VPS52: variants seen among roughly 807,000 people sequenced by gnomAD.
The protein encoded by VPS52 is vacuolar protein sorting-associated protein 52 homolog.
In VPS52, 56 loss-of-function variants were observed where a neutral mutation model predicts 98.7. The ratio of observed to expected loss-of-function variants is 0.57; its 90% confidence interval spans 0.46 to 0.71. VPS52 has a LOEUF of 0.71. VPS52 is among the 30% of genes least tolerant of loss of function. VPS52 has a pLI of 0.00. For synonymous variants in VPS52, 348 were observed against 346.4 expected (o/e 1.00, Z -0.05); for missense variants, 742 against 925.9 (o/e 0.80, Z 2.58).
chr6:33,267,509 CTA>C lies in VPS52; in HGVS notation c.991+171_991+172del, dbSNP rs1274798574. 6 of 1,202,470 alleles carry C rather than the reference CTA, an allele frequency of 5.0e-6. No homozygotes were observed. Among genetic ancestry groups the C allele is most frequent in the Non-Finnish European group, 7.0e-6 (6 of 853,416 alleles). 74.5% of individuals were successfully genotyped at this position (1,202,470 alleles called of 1,614,324 possible). On this transcript the variant is annotated intron_variant, in intron 10 of 19. Transcript: ENST00000445902. The surrounding 1 kb of genome is among the most constrained non-coding windows in gnomAD (Gnocchi z 4.2). ...CCCTCCCTTGCAATCATATGCAAAA[CTA>C]TGTGTCAAAATAATGTGTGCATCTT...
In VPS52 at chr6:33,264,919, A is replaced by C. The variant is rs1278360745; in HGVS notation, c.1282-19T>G. On this transcript the variant is annotated intron_variant, in intron 12 of 19. Transcript: ENST00000445902. Reference sequence around the variant, plus strand: ...GGTGTTTCTGTGTGATTGGGGAACAAACAGAGGATTAAAAGAGAATGTCAG... The same window carrying C: ...GGTGTTTCTGTGTGATTGGGGAACACACAGAGGATTAAAAGAGAATGTCAG... 6.3e-7 allele frequency: 1 copy of C among 1,583,998 alleles called. No homozygotes were observed. Among genetic ancestry groups the C allele is most frequent in the Non-Finnish European group, 8.7e-7 (1 of 1,153,564 alleles).
intron 17 of VPS52, among the ~76,000 whole-genome samples, chr6:33,255,237 C>A (rs1251979316): frequency 6.6e-6 from 1 of 152,088 alleles, no homozygotes; most frequent in Non-Finnish European, 1.5e-5. Flanking sequence ...TGGGCTTTAA[C>A]AATCTTTCCT....
At chr6:33,271,099 C>G (rs1359354367) in intron 1 of VPS52, 4 of 340,682 alleles carry the variant, frequency 1.2e-5, no homozygotes, top group African/African-American at 8.4e-5. Flanking sequence ...CTGGGGAACC[C>G]CAGGCTTTCT....
At chr6:33,271,528 G>A (rs772040756) in intron 1 of VPS52, 58 bp downstream of exon 1, 1 of 1,557,264 alleles carries the variant, frequency 6.4e-7, no homozygotes, top group African/African-American at 1.4e-5. Flanking sequence ...CCCAGCTCAG[G>A]TCTTTCTGAA....
chr6:33,255,644 A>G (rs962367627), intron 17 of VPS52, among the ~76,000 whole-genome samples: 3 of 151,406 alleles, frequency 2.0e-5, no homozygotes, highest in Admixed American at 2.0e-4. Flanking sequence ...TACAAAAAAA[A>G]TACCGGGCAT....
chr6:33,268,465 A>G lies in VPS52; in HGVS notation c.699+34T>C, dbSNP rs772993343. On this transcript the variant is annotated intron_variant, in intron 7 of 19. Transcript: ENST00000445902. This position sits in a 1 kb window ranked among gnomAD's most constrained non-coding sequence, Gnocchi z 4.0. ...TGAAGATCTTGGGAAGGCTGCTTCC[A>G]GTAGCCTCCAGGGTATCCATCCCTA... 4 of 1,558,152 alleles carry G rather than the reference A, an allele frequency of 2.6e-6. No homozygotes were observed. Among genetic ancestry groups the G allele is most frequent in the Non-Finnish European group, 3.5e-6 (4 of 1,151,032 alleles).
Position 33,269,550 on chromosome 6 carries a change from T to C in VPS52, c.312A>G (p.Gln104=), listed in dbSNP as rs1306533237. The C allele has an allele frequency of 3.1e-6, 5 of 1,609,498 alleles. No individual in the cohort carries two copies. The Admixed American group carries it at 8.5e-5, about 27-fold the overall frequency. ...GTAGAGATGCTATATTCTCACTCTC[T>C]TGAATATCTGATCCACAAAAAGTCA... ...IEQKSIRDYI[Q]ESENIASLHN... The change falls in exon 5 of 20, where the codon CAA becomes CAG. Residue 104 remains glutamine, a synonymous_variant. Coordinates refer to ENST00000445902, the MANE Select transcript of VPS52 (RefSeq NM_022553.6).
chr6:33,263,384 TACACACAC>T lies in VPS52; in HGVS notation c.1794+92_1794+99del, dbSNP rs878982754. On this transcript the variant is annotated intron_variant, in intron 17 of 19. Transcript: ENST00000445902. ...ACCTGAGATCCATTATGCCACTCCC[TACACACAC>T]ACACACACACACACACACACACAGA... 5.6e-4 allele frequency: 322 copies of T among 574,420 alleles called. 1 individual carries two copies. Among genetic ancestry groups the T allele is most frequent in the Non-Finnish European group, 8.2e-4 (302 of 367,238 alleles). The allele number at this position is 574,420 out of a possible 1,614,324, so 35.6% of individuals were successfully genotyped here.
In VPS52 at chr6:33,268,982, G is replaced by A; in HGVS notation, c.548+32C>T. ...TCACCCCAGCCCATCCACCTGCTAT[G>A]GACATTATAACCCTTCAAACTGGTA... On this transcript the variant is annotated intron_variant, in intron 6 of 19. Coordinates refer to ENST00000445902, the MANE Select transcript of VPS52 (RefSeq NM_022553.6). This position sits in a 1 kb window ranked among gnomAD's most constrained non-coding sequence, Gnocchi z 4.0. 1.9e-6 allele frequency: 3 copies of A among 1,609,388 alleles called. No homozygotes were observed. Among genetic ancestry groups the A allele is most frequent in the Non-Finnish European group, 2.5e-6 (3 of 1,178,674 alleles).
Position 33,266,616 on chromosome 6 carries a change from C to T in VPS52, c.1222G>A (p.Gly408Ser). 1.9e-6 allele frequency: 3 copies of T among 1,612,840 alleles called. No individual in the cohort carries two copies. Among genetic ancestry groups the T allele is most frequent in the Non-Finnish European group, 2.5e-6 (3 of 1,179,960 alleles). Residue 408 changes from glycine (G) to serine (S), a missense_variant, in exon 12 of 20, where the codon GGC (glycine) becomes AGC (serine). Gly to Ser is a moderately conservative substitution (Grantham distance 56). This residue lies in a region of VPS52 where 590 missense variants were observed against 793.3 expected (regional missense o/e 0.74). Transcript: ENST00000445902. Reference sequence around the variant, plus strand: ...TGGAACAGGTCGTGTGCAGCTGGGCCAGACACAACAAAAAATTCACAGATG... The same window carrying T: ...TGGAACAGGTCGTGTGCAGCTGGGCTAGACACAACAAAAAATTCACAGATG... The part of the protein sequence containing the change: ...LFICEFFVVS[G>S]PAAHDLFHAV...
At chr6:33,259,439 C>G (rs1249526131) in intron 17 of VPS52, among the ~76,000 whole-genome samples, 1 of 152,086 alleles carries the variant, frequency 6.6e-6, no homozygotes, top group Non-Finnish European at 1.5e-5. Context: ...ATTTTTCCCA[C>G]CAGCCTGACT....
intron 17 of VPS52, among the ~76,000 whole-genome samples, chr6:33,258,274 C>T (rs1302776617): frequency 6.6e-6 from 1 of 151,410 alleles, no homozygotes; most frequent in Non-Finnish European, 1.5e-5. Context: ...GTAATCCCAG[C>T]TACTCAGGAG....
intron 12 of VPS52, among the ~76,000 whole-genome samples, chr6:33,265,277 T>C (rs1024442810): frequency 6.6e-6 from 1 of 152,176 alleles, no homozygotes; most frequent in Non-Finnish European, 1.5e-5. Context: ...GGTTTCATCA[T>C]GTTGGTCAAG....
intron 18 of VPS52, 89 bp from the exon 19 acceptor site, chr6:33,251,725 T>C: frequency 1.4e-6 from 2 of 1,403,042 alleles, no homozygotes; most frequent in Non-Finnish European, 2.0e-6. Context: ...ATCCTTATCA[T>C]CAAACCCTCT....
In VPS52 at chr6:33,266,613, G is replaced by T. The variant is rs747210201; in HGVS notation, c.1225C>A (p.Pro409Thr). 1.9e-6 allele frequency: 3 copies of T among 1,612,718 alleles called. No individual in the cohort carries two copies. In the Admixed American group the frequency reaches 5.0e-5, roughly 27 times the overall value. ...FICEFFVVSG[P>T]AAHDLFHAVM... ...GCATGGAACAGGTCGTGTGCAGCTG[G>T]GCCAGACACAACAAAAAATTCACAG... The change falls in exon 12 of 20, where the codon CCA (proline) becomes ACA (threonine). Residue 409 changes from proline (P) to threonine (T), a missense_variant. Around this residue, in one of 2 missense-constraint regions of VPS52, gnomAD observed 590 missense variants for 793.3 expected, o/e 0.74. Coordinates refer to ENST00000445902, the MANE Select transcript of VPS52 (RefSeq NM_022553.6).
Position 33,269,566 on chromosome 6 carries a change from CA to C in VPS52, c.305-10del, listed in dbSNP as rs1562577462. The C allele has an allele frequency of 1.9e-6, 3 of 1,605,316 alleles. No individual in the cohort carries two copies. Among genetic ancestry groups the C allele is most frequent in the Non-Finnish European group, 2.5e-6 (3 of 1,176,724 alleles). The stretch of plus-strand genomic sequence containing the variant: ...CTCACTCTCTTGAATATCTGATCCA[CA>C]AAAAGTCAAGGGGCCTCATGGTGAA... On this transcript the variant is annotated splice_polypyrimidine_tract_variant and intron_variant, in intron 4 of 19. Coordinates refer to ENST00000445902, the MANE Select transcript of VPS52 (RefSeq NM_022553.6).
intron 17 of VPS52, among the ~76,000 whole-genome samples, chr6:33,253,803 A>G (rs984066963): frequency 7.2e-5 from 11 of 152,072 alleles, no homozygotes; most frequent in African/African-American, 2.7e-4. Context: ...ATGAAGTGAT[A>G]ATATTCATCT....
rs772650049 is a variant in VPS52, at chr6:33,269,823, G to A, written c.229-4C>T. ...AATAGTGACGGAGATCTACACCCTG[G>A]GAGAACATAAAGATGACAGGTCAGA... On this transcript the variant is annotated splice_polypyrimidine_tract_variant and splice_region_variant and intron_variant, in intron 3 of 19. Coordinates refer to ENST00000445902, the MANE Select transcript of VPS52 (RefSeq NM_022553.6). 34 of 1,613,272 alleles carry A rather than the reference G, an allele frequency of 2.1e-5. No individual in the cohort carries two copies. Among genetic ancestry groups the A allele is most frequent in the Non-Finnish European group, 2.7e-5 (32 of 1,179,732 alleles).
chr6:33,258,094 T>TA (rs574557092), intron 17 of VPS52, among the ~76,000 whole-genome samples: 1 of 151,116 alleles, frequency 6.6e-6, no homozygotes, highest in Non-Finnish European at 1.5e-5. Flanking sequence ...AAAGCAACAT[T>TA]AAAAAAACAA....
Sources: gnomAD v4.1 joint callset for allele counts (sites outside exome capture counted in the v4.1 genomes callset) on GRCh38, gnomAD v4.1.1 for gene constraint, gnomAD v4.1.1 regional missense constraint, Gnocchi (gnomAD v3.1) non-coding constraint, MANE v1.5 for transcripts, NCBI Gene and HGNC (gene_info 2026-07-23, HGNC 2026-07-21) for gene names.